RNF216: variants seen among roughly 807,000 people sequenced by gnomAD.
The protein encoded by RNF216 is ring finger protein 216.
A neutral mutation model predicts 110.8 loss-of-function variants in RNF216; 72 were observed. The observed-to-expected ratio is 0.65, with a 90% CI of 0.54 to 0.79. The LOEUF (loss-of-function observed/expected upper bound fraction) is 0.79. Ranked by LOEUF, RNF216 falls within the 30% of genes least tolerant of loss-of-function variation. RNF216 has a pLI of 0.00. For synonymous variants in RNF216, 495 were observed against 407.5 expected, an observed-to-expected ratio of 1.21 and a Z score of -2.59; for missense variants, 1,342 against 1,141.2, an observed-to-expected ratio of 1.18 and a Z score of -2.54.
intron 2 of RNF216, among the ~76,000 whole-genome samples, chr7:5,759,633 C>CTTCTTCTTTTT (rs59390560): frequency 2.3e-5 from 3 of 131,182 alleles, no homozygotes; most frequent in Non-Finnish European, 1.6e-5. Flanking sequence ...CATTTTTCTT[C>CTTCTTCTTTTT]TTTTTTTTTT....
chr7:5,732,765 C>T (rs561483601), intron 5 of RNF216, among the ~76,000 whole-genome samples: 4 of 152,210 alleles, frequency 2.6e-5, no homozygotes, highest in Non-Finnish European at 5.9e-5. Context: ...GGAAGCCTGT[C>T]GGACTTCAAT....
intron 13 of RNF216, among the ~76,000 whole-genome samples, chr7:5,657,694 C>T (rs1788834463): frequency 6.6e-6 from 1 of 152,168 alleles, no homozygotes; most frequent in Non-Finnish European, 1.5e-5. Flanking sequence ...GCTTCCAGGC[C>T]ATCTGTGTCT....
intron 13 of RNF216, among the ~76,000 whole-genome samples, chr7:5,709,667 G>A (rs1302977646): frequency 6.6e-6 from 1 of 152,162 alleles, no homozygotes; most frequent in African/African-American, 2.4e-5. Context: ...GGGATCTTAA[G>A]AGCCCCTGGG....
chr7:5,726,758 C>T (rs1381487719), intron 7 of RNF216, among the ~76,000 whole-genome samples: 1 of 151,556 alleles, frequency 6.6e-6, no homozygotes, highest in Non-Finnish European at 1.5e-5. Context: ...ACTTGGGGGG[C>T]TAAGGCATGA....
chr7:5,763,259 T>A (rs1045503232), intron 1 of RNF216, among the ~76,000 whole-genome samples: 14 of 152,194 alleles, frequency 9.2e-5, no homozygotes, highest in African/African-American at 2.4e-4. Context: ...GGTAGTCACC[T>A]GGGTATATGC....
intron 14 of RNF216, 122 bp downstream of exon 14, chr7:5,652,291 T>C (rs1186734561): frequency 1.0e-5 from 7 of 690,454 alleles, no homozygotes; most frequent in Admixed American, 2.2e-5. Context: ...TTCCCCAAGA[T>C]CACTCCAGAC....
intron 2 of RNF216, 119 bp from the exon 3 acceptor site, chr7:5,753,098 C>T (rs916808960): frequency 6.8e-5 from 64 of 944,678 alleles, no homozygotes; most frequent in Non-Finnish European, 8.3e-5. Context: ...GTGTAACGTA[C>T]CTCCTCAAGC....
chr7:5,639,181 G>C (rs1274697896), intron 15 of RNF216, among the ~76,000 whole-genome samples: 1 of 152,118 alleles, frequency 6.6e-6, no homozygotes, highest in East Asian at 1.9e-4. Flanking sequence ...TTAAGAGATA[G>C]GGAAGCAGGC....
chr7:5,635,051 T>A (rs1180320289), intron 15 of RNF216, among the ~76,000 whole-genome samples: 1 of 152,088 alleles, frequency 6.6e-6, no homozygotes, highest in African/African-American at 2.4e-5. Flanking sequence ...CAGACACTGG[T>A]TGGAAGACCT....
intron 1 of RNF216, among the ~76,000 whole-genome samples, chr7:5,764,642 C>T (rs1466151261): frequency 4.2e-5 from 5 of 118,192 alleles, no homozygotes; most frequent in East Asian, 4.1e-4. Flanking sequence ...AGCAAGACAC[C>T]GTCTCAAAAA....
At chr7:5,669,529 G>A (rs1270404835) in intron 13 of RNF216, among the ~76,000 whole-genome samples, 1 of 152,168 alleles carries the variant, frequency 6.6e-6, no homozygotes, top group Non-Finnish European at 1.5e-5. Context: ...AGTGAGGTGA[G>A]GGGTCTGTTC....
intron 13 of RNF216, among the ~76,000 whole-genome samples, chr7:5,653,242 T>G (rs1788506668): frequency 6.6e-6 from 1 of 152,110 alleles, no homozygotes; most frequent in South Asian, 2.1e-4. Flanking sequence ...TCTAGGATCC[T>G]TCATAGTTTA....
intron 4 of RNF216, 122 bp from the exon 5 acceptor site, chr7:5,739,474 G>C (rs767134350): frequency 8.3e-6 from 8 of 959,856 alleles, no homozygotes; most frequent in Admixed American, 4.0e-5. Flanking sequence ...CTGTGAAGCA[G>C]GTCTGTGTGT....
intron 1 of RNF216, among the ~76,000 whole-genome samples, chr7:5,768,280 G>A (rs1796306976): frequency 8.3e-6 from 1 of 120,754 alleles, no homozygotes; most frequent in African/African-American, 3.3e-5. Context: ...GTGAGATCTT[G>A]TCGCTATTAG....
chr7:5,672,144 T>C (rs1263509448), intron 13 of RNF216, among the ~76,000 whole-genome samples: 1 of 152,210 alleles, frequency 6.6e-6, no homozygotes, highest in East Asian at 1.9e-4. Context: ...TTCATACATG[T>C]TGGAGACGTT....
chr7:5,665,904 A>G (rs958777028), intron 13 of RNF216, among the ~76,000 whole-genome samples: 3 of 152,082 alleles, frequency 2.0e-5, no homozygotes, highest in Non-Finnish European at 4.4e-5. Flanking sequence ...GGTAGCTCAC[A>G]TCTGTAATCC....
intron 13 of RNF216, among the ~76,000 whole-genome samples, chr7:5,688,297 TA>T (rs957818938): frequency 4.6e-5 from 7 of 152,126 alleles, no homozygotes; most frequent in Admixed American, 4.6e-4. Flanking sequence ...AACCTGTACA[TA>T]AAAAAACAGA....
Position 5,680,056 on chromosome 7 carries a change from C to G in RNF216, c.2062-27546G>C, listed in dbSNP as rs879499268. Among the ~76,000 whole-genome samples the G allele has an allele frequency of 6.6e-6, 1 of 152,148 alleles. No individual in the cohort carries two copies. Among genetic ancestry groups the G allele is most frequent in the Non-Finnish European group, 1.5e-5 (1 of 68,026 alleles). On this transcript the variant is annotated intron_variant, in intron 13 of 16. Transcript: ENST00000389902. The surrounding 1 kb of genome is among the most constrained non-coding windows in gnomAD (Gnocchi z 4.3). ...AAGCTAAATCTGATCATTTCACTAC[C>G]CTGTTTAATGACCATGGATAGACTT...
chr7:5,713,226 G>T, intron 11 of RNF216: 1 of 163,136 alleles, frequency 6.1e-6, no homozygotes, highest in South Asian at 1.7e-4. Context: ...CTGGAAAGCA[G>T]AGCTGAGTGG....
Sources: allele counts gnomAD v4.1 joint callset (sites outside exome capture counted in the v4.1 genomes callset), GRCh38; gene constraint gnomAD v4.1.1; non-coding constraint Gnocchi (gnomAD v3.1); transcripts MANE v1.5; gene names NCBI Gene and HGNC (gene_info 2026-07-23, HGNC 2026-07-21).